The following CPS1 variants were observed in gnomAD, a reference collection of about 807,000 sequenced individuals.
CPS1 encodes carbamoyl-phosphate synthase 1.
CPS1 carries 109 observed loss-of-function variants against 174.6 expected under a neutral mutation model. The observed-to-expected ratio is 0.62, with a 90% CI of 0.53 to 0.73. The LOEUF (loss-of-function observed/expected upper bound fraction) is 0.73, where lower values mean the gene tolerates loss of function less well. Among genes scored for constraint, CPS1 ranks in the 30% least tolerant of loss-of-function variants. The probability of loss-of-function intolerance (pLI) is 0.00; values close to 1 mark genes in which losing one functional copy is unlikely to be tolerated. For synonymous variants in CPS1, 637 were observed against 632.0 expected, an observed-to-expected ratio of 1.01 and a Z score of -0.12; for missense variants, 1,689 against 1,821.9, an observed-to-expected ratio of 0.93 and a Z score of 1.33.
intron 2 of CPS1, among the ~76,000 whole-genome samples, chr2:210,573,679 G>A (rs187518897): frequency 1.4e-4 from 21 of 152,108 alleles, no homozygotes; most frequent in African/African-American, 4.8e-4. Flanking sequence ...TAGGTTGTGA[G>A]GACACAGGTT....
chr2:210,518,968 A>T (rs780465435), intron 1 of CPS1, among the ~76,000 whole-genome samples: 67 of 152,120 alleles, frequency 4.4e-4, no homozygotes, highest in Middle Eastern at 6.8e-3. Context: ...CCTTAAAAAC[A>T]TCTTTAGTTC....
At chr2:210,658,739 G>A (rs1418476395) in intron 31 of CPS1, 51 bp downstream of exon 31, 8 of 1,328,794 alleles carry the variant, frequency 6.0e-6, no homozygotes, top group African/African-American at 5.8e-5. Context: ...GTTACGTCAT[G>A]TTGGTTTGCA....
chr2:210,637,548 G>T (rs933895862), intron 21 of CPS1, among the ~76,000 whole-genome samples, 154 bp from the exon 22 acceptor site: 1 of 152,046 alleles, frequency 6.6e-6, no homozygotes, highest in Admixed American at 6.6e-5. Flanking sequence ...AGATTGAGTG[G>T]GTTAGTTATT....
At chr2:210,675,645 CTTCT>C (rs1185428133) in intron 35 of CPS1, 79 bp from the exon 36 acceptor site, 2 of 773,152 alleles carry the variant, frequency 2.6e-6, no homozygotes, top group African/African-American at 3.4e-5. Flanking sequence ...GCAATTTCTT[CTTCT>C]TTATGTTTTA....
intron 1 of CPS1, among the ~76,000 whole-genome samples, chr2:210,521,312 T>C (rs1200554337): frequency 6.6e-6 from 1 of 151,906 alleles, no homozygotes; most frequent in Non-Finnish European, 1.5e-5. Flanking sequence ...CTTTTTTCTT[T>C]CTACATGTTT....
Position 210,577,461 on chromosome 2 carries a change from A to G in CPS1, c.422A>G (p.Asn141Ser). 3 of 1,613,948 alleles carry G rather than the reference A, an allele frequency of 1.9e-6. No homozygotes were observed. The highest frequency in any genetic ancestry group is 2.5e-6 in the Non-Finnish European group (3 of 1,179,890). Residue 141 changes from asparagine (N) to serine (S), a missense_variant, in exon 4 of 38, where the codon AAC (asparagine) becomes AGC (serine). Physicochemically the swap from Asn to Ser is conservative, Grantham distance 46 (BLOSUM62 1). Transcript: ENST00000233072. ...LLVLDYSKDY[N>S]HWLATKSLGQ... ...GTGCTGGATTATAGTAAAGACTACA[A>G]CCACTGGCTGGCTACCAAGAGTTTA...
rs1696920168 is a variant in CPS1 at position 210,556,617 on chromosome 2, A to C, written c.-117A>C. The C allele has an allele frequency of 6.6e-7, 1 of 1,525,928 alleles. No homozygotes were observed. The highest frequency in any genetic ancestry group is 1.4e-5 in the African/African-American group (1 of 71,482). The allele number at this position is 1,525,928 out of a possible 1,614,324, so 94.5% of individuals were successfully genotyped here. ...GAAATTCAAAGATCGCTGTGCAGTCAGCCTTAAACACTGACTGCACCCCTC... is the reference window on the plus strand; with the variant it reads ...GAAATTCAAAGATCGCTGTGCAGTCCGCCTTAAACACTGACTGCACCCCTC... On this transcript the variant is annotated 5_prime_UTR_variant, in exon 1 of 38. Coordinates refer to ENST00000233072, the MANE Select transcript of CPS1 (RefSeq NM_001875.5).
chr2:210,624,909 A>C (rs959355282), intron 21 of CPS1, among the ~76,000 whole-genome samples: 3 of 152,068 alleles, frequency 2.0e-5, no homozygotes, highest in Non-Finnish European at 4.4e-5. Flanking sequence ...ACAACTTAAA[A>C]ATTTTAAGTT....
At position 210,608,571 on chromosome 2, in the gene CPS1, G is replaced by T. The variant is rs773555024; in HGVS notation, c.2391+12G>T. On this transcript the variant is annotated intron_variant, in intron 19 of 37. Transcript: ENST00000233072. ...AAAGTGTAGGAGAGGTGAGTCCTTGGTTTATTACGCTTTTCTTCTTGTTCT... is the reference window on the plus strand; with the variant it reads ...AAAGTGTAGGAGAGGTGAGTCCTTGTTTTATTACGCTTTTCTTCTTGTTCT... 1 of 1,609,626 alleles carries T rather than the reference G, an allele frequency of 6.2e-7. No homozygotes were observed. Among genetic ancestry groups the T allele is most frequent in the Non-Finnish European group, 8.5e-7 (1 of 1,176,734 alleles).
intron 11 of CPS1, 90 bp downstream of exon 11, chr2:210,593,046 A>T (rs1698364720): frequency 9.0e-7 from 1 of 1,115,840 alleles, no homozygotes; most frequent in South Asian, 1.2e-5. Flanking sequence ...ACCCCAGATG[A>T]TCTTGAGCAG....
intron 1 of CPS1, among the ~76,000 whole-genome samples, chr2:210,492,971 G>A (rs1043815498): frequency 2.6e-5 from 4 of 152,076 alleles, no homozygotes; most frequent in African/African-American, 7.2e-5. Context: ...TTTTCAAGAC[G>A]TCTGCAACAA....
At chr2:210,612,529 AG>A (rs946191177) in intron 20 of CPS1, among the ~76,000 whole-genome samples, 6 of 151,952 alleles carry the variant, frequency 3.9e-5, no homozygotes, top group Non-Finnish European at 5.9e-5. Flanking sequence ...GGCAAATTGC[AG>A]TTTTAAAGGA....
In CPS1 at chr2:210,582,689, A is replaced by G; in HGVS notation, c.601A>G (p.Ile201Val). The G allele has an allele frequency of 6.2e-7, 1 of 1,612,844 alleles. No individual in the cohort carries two copies. Among genetic ancestry groups the G allele is most frequent in the Non-Finnish European group, 8.5e-7 (1 of 1,179,056 alleles). ...TGTGGATCCAAATAAACAGAATTTG[A>G]TTGCTGAGGTTTCAACCAAGGTGAG... ...DFVDPNKQNLIAEVSTKDVKV... is the reference protein window; with the variant it reads ...DFVDPNKQNLVAEVSTKDVKV... Residue 201 changes from isoleucine (I) to valine (V), a missense_variant, in exon 6 of 38, where the codon ATT (isoleucine) becomes GTT (valine). Ile to Val is a conservative substitution (Grantham distance 29, BLOSUM62 3). Transcript: ENST00000233072.
chr2:210,526,192 T>C (rs1574492855), intron 1 of CPS1, among the ~76,000 whole-genome samples: 1 of 151,772 alleles, frequency 6.6e-6, no homozygotes, highest in South Asian at 2.1e-4. Flanking sequence ...TGAGAACCCA[T>C]GGACACAGGG....
intron 25 of CPS1, among the ~76,000 whole-genome samples, chr2:210,644,501 T>C (rs149549450): frequency 2.6e-5 from 4 of 152,218 alleles, no homozygotes; most frequent in African/African-American, 4.8e-5. Context: ...TACTAACATG[T>C]AAATTAGTAA....
At chr2:210,492,917 G>A (rs1206426029) in intron 1 of CPS1, among the ~76,000 whole-genome samples, 2 of 152,038 alleles carry the variant, frequency 1.3e-5, no homozygotes, top group Non-Finnish European at 2.9e-5. Flanking sequence ...ACAGAATATA[G>A]CGGCTGGGCT....
At chr2:210,533,678 C>T (rs1040213357) in intron 1 of CPS1, among the ~76,000 whole-genome samples, 8 of 152,096 alleles carry the variant, frequency 5.3e-5, no homozygotes, top group African/African-American at 1.9e-4. Context: ...TTATCTGACT[C>T]TGTAAAACTA....
chr2:210,574,980 A>C (rs547782343), intron 2 of CPS1, among the ~76,000 whole-genome samples: 2 of 152,144 alleles, frequency 1.3e-5, no homozygotes, highest in African/African-American at 4.8e-5. Flanking sequence ...TCACTCAGTA[A>C]GGTGGTTGAT....
chr2:210,509,080 A>G (rs1695374842), intron 1 of CPS1, among the ~76,000 whole-genome samples: 1 of 152,220 alleles, frequency 6.6e-6, no homozygotes. Context: ...ACAACAAAAA[A>G]AGAGAATTTT....
Sources: gnomAD v4.1 joint callset for allele counts (sites outside exome capture counted in the v4.1 genomes callset) on GRCh38, gnomAD v4.1.1 for gene constraint, MANE v1.5 for transcripts, NCBI Gene and HGNC (gene_info 2026-07-23, HGNC 2026-07-21) for gene names.